Variants in ICA1 observed in about 807,000 individuals in gnomAD.
ICA1 encodes the protein 69 kDa islet cell autoantigen.
ICA1 carries 40 observed loss-of-function variants against 71.0 expected under a neutral mutation model. The ratio of observed to expected loss-of-function variants is 0.56; its 90% confidence interval spans 0.44 to 0.73. The LOEUF (loss-of-function observed/expected upper bound fraction) is 0.73, where lower values mean the gene tolerates loss of function less well. Among genes scored for constraint, ICA1 ranks in the 30% least tolerant of loss-of-function variants. ICA1 has a pLI of 0.00. For missense variants in ICA1, 578 were observed against 576.5 expected (o/e 1.00, Z -0.03); for synonymous variants, 207 against 209.5 (o/e 0.99, Z 0.10).
intron 8 of ICA1, among the ~76,000 whole-genome samples, chr7:8,149,988 T>A (rs1798263353): frequency 6.6e-6 from 1 of 152,186 alleles, no homozygotes; most frequent in African/African-American, 2.4e-5. Context: ...ATAAAGACAC[T>A]ATATAAGAAA....
intron 13 of ICA1, among the ~76,000 whole-genome samples, chr7:8,117,644 A>G (rs1447021633): frequency 6.6e-6 from 1 of 152,262 alleles, no homozygotes; most frequent in Non-Finnish European, 1.5e-5. Context: ...CAGAGGATGC[A>G]TCACTGTTGG....
At chr7:8,125,856 T>C (rs1788965570) in intron 13 of ICA1, among the ~76,000 whole-genome samples, 1 of 152,236 alleles carries the variant, frequency 6.6e-6, no homozygotes, top group African/African-American at 2.4e-5. Flanking sequence ...TCTCTTTCCG[T>C]AGCATGAGCT....
chr7:8,128,773 G>A (rs779035483), intron 12 of ICA1, among the ~76,000 whole-genome samples: 4 of 152,232 alleles, frequency 2.6e-5, no homozygotes, highest in Non-Finnish European at 5.9e-5. Flanking sequence ...TAAAATAAAA[G>A]GGAAAGAGGC....
intron 1 of ICA1, among the ~76,000 whole-genome samples, chr7:8,248,317 C>T (rs1423648712): frequency 1.3e-5 from 2 of 149,964 alleles, no homozygotes; most frequent in African/African-American, 2.4e-5. Flanking sequence ...CCAAATTTGT[C>T]ATTTTCCTCT....
chr7:8,148,863 C>T (rs1797895013), intron 8 of ICA1, among the ~76,000 whole-genome samples: 1 of 152,172 alleles, frequency 6.6e-6, no homozygotes, highest in Admixed American at 6.5e-5. Context: ...AGGAAAAAAT[C>T]ATAACCCCCT....
At chr7:8,252,383 A>G (rs796887549) in intron 1 of ICA1, among the ~76,000 whole-genome samples, 16 of 152,344 alleles carry the variant, frequency 1.1e-4, no homozygotes, top group African/African-American at 3.8e-4. Context: ...TATTGGGATC[A>G]AATTATAAAA....
intron 1 of ICA1, among the ~76,000 whole-genome samples, chr7:8,258,771 TATA>T (rs1250331776): frequency 1.3e-5 from 2 of 152,238 alleles, no homozygotes; most frequent in African/African-American, 4.8e-5. Flanking sequence ...AATTTGATGC[TATA>T]ATACTAAATA....
intron 1 of ICA1, among the ~76,000 whole-genome samples, chr7:8,246,416 G>C (rs1806047516): frequency 6.6e-6 from 1 of 152,204 alleles, no homozygotes; most frequent in South Asian, 2.1e-4. Flanking sequence ...TGAGGAGGAG[G>C]CTCTGTGTCT....
chr7:8,208,040 A>G (rs1328193911), intron 6 of ICA1, among the ~76,000 whole-genome samples: 1 of 152,232 alleles, frequency 6.6e-6, no homozygotes, highest in African/African-American at 2.4e-5. Flanking sequence ...AAATAATTCA[A>G]TCATTAAAAA....
At chr7:8,120,551 T>C (rs1051969307) in intron 13 of ICA1, among the ~76,000 whole-genome samples, 1 of 152,178 alleles carries the variant, frequency 6.6e-6, no homozygotes, top group Admixed American at 6.5e-5. Flanking sequence ...GCTGAGGCAT[T>C]TTTAACATGA....
At chr7:8,162,746 T>A (rs1348421364) in intron 6 of ICA1, among the ~76,000 whole-genome samples, 22 of 152,170 alleles carry the variant, frequency 1.4e-4, no homozygotes, top group Admixed American at 1.4e-3. Context: ...CTTCTCTTAT[T>A]CTCCAAGTTG....
At chr7:8,200,686 A>G (rs1325051973) in intron 6 of ICA1, among the ~76,000 whole-genome samples, 1 of 152,250 alleles carries the variant, frequency 6.6e-6, no homozygotes, top group Non-Finnish European at 1.5e-5. Context: ...GTAGTTGACT[A>G]CTGAAAATCA....
chr7:8,150,060 G>A (rs559878370), intron 8 of ICA1, among the ~76,000 whole-genome samples: 1 of 152,142 alleles, frequency 6.6e-6, no homozygotes, highest in African/African-American at 2.4e-5. Flanking sequence ...TAAAATTAGA[G>A]AAAAATAATC....
intron 6 of ICA1, among the ~76,000 whole-genome samples, chr7:8,163,269 G>T (rs1169563859): frequency 6.6e-6 from 1 of 152,182 alleles, no homozygotes; most frequent in Non-Finnish European, 1.5e-5. Flanking sequence ...CGTACTTTCA[G>T]TTCAATCTGG....
chr7:8,161,929 G>C lies in ICA1; in HGVS notation c.580-3277C>G, dbSNP rs953221151. ...TATAGACAACTGATATAAACTGTAA[G>C]GAAACAGACAATGAAGGCTTCTGAA... On this transcript the variant is annotated intron_variant, in intron 6 of 13. Coordinates refer to ENST00000402384, the MANE Select transcript of ICA1 (RefSeq NM_001136020.3). Among the ~76,000 whole-genome samples, 3 of 152,314 alleles carry C rather than the reference G, an allele frequency of 2.0e-5. No homozygotes were observed. In the East Asian group the frequency reaches 5.8e-4, roughly 29 times the overall value.
intron 6 of ICA1, among the ~76,000 whole-genome samples, chr7:8,166,405 A>G (rs1053286945): frequency 6.6e-6 from 1 of 152,252 alleles, no homozygotes; most frequent in Non-Finnish European, 1.5e-5. Flanking sequence ...AGGACTCCAT[A>G]TTCAATAAAT....
At chr7:8,157,441 C>T (rs1802038162) in intron 7 of ICA1, 3 of 486,054 alleles carry the variant, frequency 6.2e-6, no homozygotes. Context: ...CTCCCACCAC[C>T]TGGGACATTC....
At position 8,114,002 on chromosome 7, in the gene ICA1, A is replaced by G. The variant is rs1246544691; in HGVS notation, c.1373T>C (p.Leu458Pro). 2 of 1,614,016 alleles carry G rather than the reference A, an allele frequency of 1.2e-6. No individual in the cohort carries two copies. The highest frequency in any genetic ancestry group is 1.7e-6 in the Non-Finnish European group (2 of 1,180,004). Residue 458 changes from leucine (L) to proline (P), a missense_variant, in exon 14 of 14, where the codon CTC becomes CCC. By Grantham distance (98) the Leu-to-Pro change is moderately conservative. Transcript: ENST00000402384. ...TGAGAGTGGGTCGAGGTCAGCGAAG[A>G]GGCTGAACCAGGCAGTCAGGTCTGA... The part of the protein sequence containing the change: ...AASDLTAWFS[L>P]FADLDPLSNP...
chr7:8,198,803 G>A (rs899168054), intron 6 of ICA1, among the ~76,000 whole-genome samples: 4 of 152,166 alleles, frequency 2.6e-5, no homozygotes, highest in Admixed American at 1.3e-4. Flanking sequence ...AAACAACAAC[G>A]TGAAGAGATG....
Sources: allele counts gnomAD v4.1 joint callset (sites outside exome capture counted in the v4.1 genomes callset), GRCh38; gene constraint gnomAD v4.1.1; transcripts MANE v1.5; gene names NCBI Gene and HGNC (gene_info 2026-07-23, HGNC 2026-07-21).